Variants in ADARB1 observed in about 807,000 individuals in gnomAD.
ADARB1 encodes the protein adenosine deaminase RNA specific B1.
In ADARB1, 10 loss-of-function variants were observed where a neutral mutation model predicts 52.4. The ratio of observed to expected loss-of-function variants is 0.19; its 90% CI spans 0.12 to 0.32. The LOEUF (loss-of-function observed/expected upper bound fraction) is 0.32. ADARB1 is among the 10% of genes least tolerant of loss of function. ADARB1 has a pLI of 1.00. For missense variants in ADARB1, 643 were observed against 922.3 expected (o/e 0.70, Z 3.92); for synonymous variants, 349 against 371.1 (o/e 0.94, Z 0.68).
chr21:45,077,009 A>G (rs975491153), intron 1 of ADARB1, among the ~76,000 whole-genome samples: 1 of 152,354 alleles, frequency 6.6e-6, no homozygotes. Context: ...ATCCCTGGGC[A>G]CTTGGTTCAA....
At chr21:45,159,065 T>C (rs1229663267) in intron 2 of ADARB1, among the ~76,000 whole-genome samples, 1 of 152,208 alleles carries the variant, frequency 6.6e-6, no homozygotes, top group Non-Finnish European at 1.5e-5. Flanking sequence ...AAATAAACTT[T>C]ATGAAAAAGC....
chr21:45,185,918 T>A (rs2092088472), intron 8 of ADARB1, among the ~76,000 whole-genome samples: 2 of 152,216 alleles, frequency 1.3e-5, no homozygotes, highest in African/African-American at 4.8e-5. Flanking sequence ...ATCTTTTCAT[T>A]GTTTGTGTGC....
At chr21:45,121,275 A>G (rs2145796552) in intron 1 of ADARB1, among the ~76,000 whole-genome samples, 1 of 152,326 alleles carries the variant, frequency 6.6e-6, no homozygotes, top group Middle Eastern at 3.4e-3. Flanking sequence ...CTACAAGAGC[A>G]CAGTTCTTCT....
At chr21:45,075,939 G>T (rs2085914717) in intron 1 of ADARB1, among the ~76,000 whole-genome samples, 1 of 152,148 alleles carries the variant, frequency 6.6e-6, no homozygotes, top group Admixed American at 6.5e-5. Flanking sequence ...TAAGATGATA[G>T]AACCGTAGTT....
rs1295079331 is a variant in ADARB1, at chr21:45,074,711, G to A, written c.-302G>A. ...CGCGCCGCTGCGCACAACCAACGAG[G>A]CAGAGCGCCGCCCGGCGCGAGACTG... is the stretch of plus-strand genomic sequence containing the variant. On this transcript the variant is annotated 5_prime_UTR_variant, in exon 1 of 11. Coordinates refer to ENST00000348831, the MANE Select transcript of ADARB1 (RefSeq NM_001112.4). 3.4e-5 allele frequency: 5 copies of A among 146,382 alleles called. No homozygotes were observed. The highest frequency in any genetic ancestry group is 1.2e-4 in the African/African-American group (5 of 40,876). The allele number at this position is 146,382 out of a possible 1,614,324, so 9.1% of individuals were successfully genotyped here. A position where few individuals can be genotyped will look rare whatever the true frequency, so the allele number is the denominator to read the frequency against.
intron 2 of ADARB1, among the ~76,000 whole-genome samples, chr21:45,165,739 T>G (rs2091226940): frequency 1.3e-5 from 2 of 152,248 alleles, no homozygotes; most frequent in Admixed American, 1.3e-4. Context: ...CTTTCAATTT[T>G]TTTGCTACAA....
chr21:45,110,276 CA>C (rs754344376), intron 1 of ADARB1, among the ~76,000 whole-genome samples: 45 of 152,160 alleles, frequency 3.0e-4, no homozygotes, highest in Non-Finnish European at 5.4e-4. Context: ...GTTTTCCATT[CA>C]CGAAACAAAC....
intron 8 of ADARB1, among the ~76,000 whole-genome samples, chr21:45,202,712 G>A (rs147695716): frequency 3.3e-4 from 50 of 152,200 alleles, no homozygotes; most frequent in African/African-American, 1.1e-3. Context: ...ACTGCTGAGC[G>A]TCTTCCCCTG....
chr21:45,187,255 A>G (rs914552545), intron 8 of ADARB1, among the ~76,000 whole-genome samples: 1 of 152,156 alleles, frequency 6.6e-6, no homozygotes, highest in Non-Finnish European at 1.5e-5. Context: ...GCTTATTACT[A>G]AGTAATTTAT....
Position 45,092,640 on chromosome 21 carries a change from C to G in ADARB1, c.-220+17847C>G, listed in dbSNP as rs191481828. ...GATACATTCTATTTATTGGTATTTACAAGTCACTTGACTAGACTGATACTA... is the reference window on the plus strand; with the variant it reads ...GATACATTCTATTTATTGGTATTTAGAAGTCACTTGACTAGACTGATACTA... On this transcript the variant is annotated intron_variant, in intron 1 of 10. Transcript: ENST00000348831. Among the ~76,000 whole-genome samples, 375 of 152,172 alleles carry G rather than the reference C, an allele frequency of 2.5e-3. 1 individual carries two copies. The highest frequency in any genetic ancestry group is 8.2e-3 in the African/African-American group (339 of 41,512).
At chr21:45,216,387 G>A (rs1311802749) in intron 9 of ADARB1, among the ~76,000 whole-genome samples, 2 of 151,776 alleles carry the variant, frequency 1.3e-5, no homozygotes, top group Admixed American at 6.6e-5. Context: ...GTTTTTTAAG[G>A]TGCTAGTTGA....
At chr21:45,074,952 G>A (rs948869437) in intron 1 of ADARB1, among the ~76,000 whole-genome samples, 159 bp downstream of exon 1, 6 of 150,680 alleles carry the variant, frequency 4.0e-5, no homozygotes, top group Admixed American at 1.3e-4. Flanking sequence ...AGGGTGCCGC[G>A]GCACCGCCTC....
intron 8 of ADARB1, among the ~76,000 whole-genome samples, chr21:45,202,860 CCT>C (rs2092586544): frequency 2.0e-5 from 3 of 150,406 alleles, no homozygotes; most frequent in Admixed American, 6.6e-5. Flanking sequence ...TCCCCTGCAG[CCT>C]GTGCCACACT....
chr21:45,138,015 T>C (rs1265594298), intron 2 of ADARB1, among the ~76,000 whole-genome samples: 1 of 152,196 alleles, frequency 6.6e-6, no homozygotes, highest in Non-Finnish European at 1.5e-5. Flanking sequence ...GAAGGGCTTT[T>C]GATGAGAAGC....
chr21:45,147,847 C>T (rs1257268641), intron 2 of ADARB1, among the ~76,000 whole-genome samples: 4 of 152,224 alleles, frequency 2.6e-5, no homozygotes, highest in Admixed American at 6.5e-5. Flanking sequence ...CTGCTCCCAG[C>T]ATCCTCTCAG....
chr21:45,132,859 A>T (rs73232640), intron 2 of ADARB1, among the ~76,000 whole-genome samples: 2,808 of 152,288 alleles, frequency 0.018, 35 homozygotes, highest in South Asian at 0.053. Flanking sequence ...AGCAGAGTCT[A>T]CTGGATTTAG....
intron 1 of ADARB1, among the ~76,000 whole-genome samples, chr21:45,089,884 C>T (rs1360504742): frequency 1.3e-5 from 2 of 152,210 alleles, no homozygotes; most frequent in Non-Finnish European, 2.9e-5. Flanking sequence ...TGGGAACATG[C>T]GTCTTCCTTT....
At chr21:45,197,268 G>A (rs566199620) in intron 8 of ADARB1, among the ~76,000 whole-genome samples, 5 of 152,252 alleles carry the variant, frequency 3.3e-5, no homozygotes, top group Middle Eastern at 3.4e-3. Context: ...TTGGGAGGCC[G>A]AGGCGGGTGG....
intron 9 of ADARB1, among the ~76,000 whole-genome samples, chr21:45,217,903 T>G (rs548775546): frequency 6.6e-6 from 1 of 152,350 alleles, no homozygotes; most frequent in South Asian, 2.1e-4. Context: ...GACTTGTTGT[T>G]TGCGTTGTTT....
Sources: allele counts gnomAD v4.1 joint callset (sites outside exome capture counted in the v4.1 genomes callset), GRCh38; gene constraint gnomAD v4.1.1; transcripts MANE v1.5; gene names NCBI Gene and HGNC (gene_info 2026-07-23, HGNC 2026-07-21).